The following NSG2 variants were observed in gnomAD, a reference collection of about 807,000 sequenced individuals.
NSG2 encodes the protein neuronal vesicle trafficking associated 2.
Under a neutral mutation model 16.9 loss-of-function variants are expected in NSG2, and 4 were observed. That is an observed-to-expected ratio of 0.24 (90% CI 0.12 to 0.54). The LOEUF (loss-of-function observed/expected upper bound fraction) is 0.54, where lower values mean the gene tolerates loss of function less well. Ranked by LOEUF, NSG2 falls within the 20% of genes least tolerant of loss-of-function variation. The pLI, the probability that NSG2 is intolerant of heterozygous loss-of-function variation, is 0.95. For missense variants in NSG2, 179 were observed against 221.1 expected, an observed-to-expected ratio of 0.81 and a Z score of 1.21; for synonymous variants, 98 against 88.7, an observed-to-expected ratio of 1.11 and a Z score of -0.59.
At position 174,051,150 on chromosome 5, in the gene NSG2, G is replaced by A. The variant is rs892602494; in HGVS notation, c.129+4266G>A. On this transcript the variant is annotated intron_variant, in intron 2 of 4. Coordinates refer to ENST00000303177, the MANE Select transcript of NSG2 (RefSeq NM_015980.5). ...TTAGCAATGTCTGGAGACATTTTTC[G>A]ATGTCACAACTAGAGGGAGGATTCT... is the stretch of plus-strand genomic sequence containing the variant. Among the ~76,000 whole-genome samples the A allele has an allele frequency of 1.5e-4, 23 of 152,228 alleles. 1 individual carries two copies. Among genetic ancestry groups the A allele is most frequent in the South Asian group, 1.5e-3 (7 of 4,818 alleles).
chr5:174,107,437 A>G lies in NSG2; in HGVS notation c.448A>G (p.Ile150Val). The G allele has an allele frequency of 1.2e-6, 2 of 1,612,850 alleles. No homozygotes were observed. Among genetic ancestry groups the G allele is most frequent in the Non-Finnish European group, 1.7e-6 (2 of 1,179,062 alleles). Residue 150 changes from isoleucine (I) to valine (V), a missense_variant, in exon 5 of 5, where the codon ATC becomes GTC. Transcript: ENST00000303177. This position sits in a 1 kb window ranked among gnomAD's most constrained non-coding sequence, Gnocchi z 4.5. Reference protein sequence around the residue: ...SVAKQSTARAIGPWLSAAAVI... With the variant: ...SVAKQSTARAVGPWLSAAAVI... ...GGCCAAGCAGAGCACTGCCCGGGCC[A>G]TCGGGCCGTGGCTGTCAGCAGCCGC...
At chr5:174,069,038 A>G (rs1344865495) in intron 3 of NSG2, among the ~76,000 whole-genome samples, 1 of 145,182 alleles carries the variant, frequency 6.9e-6, no homozygotes, top group Admixed American at 6.8e-5. Context: ...TCCTGGTGCT[A>G]TGGAGGGTGC....
rs1761001212 is a variant in NSG2 at position 174,107,469 on chromosome 5, C to T, written c.480C>T (p.Ile160=). ...CGTGGCTGTCAGCAGCCGCTGTCATCCATGAGCCCAAGCCGCCCAAGACCC... is the reference window on the plus strand; with the variant it reads ...CGTGGCTGTCAGCAGCCGCTGTCATTCATGAGCCCAAGCCGCCCAAGACCC... ...IGPWLSAAAV[I]HEPKPPKTQG... Residue 160 remains isoleucine (I), a synonymous_variant, in exon 5 of 5, where the codon ATC becomes ATT. Transcript: ENST00000303177. The surrounding 1 kb of genome is among the most constrained non-coding windows in gnomAD (Gnocchi z 4.5). 6.2e-6 allele frequency: 10 copies of T among 1,612,048 alleles called. No individual in the cohort carries two copies. The highest frequency in any genetic ancestry group is 1.7e-5 in the Admixed American group (1 of 59,924).
rs1175041206 is a variant in NSG2 at position 174,108,123 on chromosome 5, AT to A, written c.*622del. 1 of 211,784 alleles carries A rather than the reference AT, an allele frequency of 4.7e-6. No individual in the cohort carries two copies. Among genetic ancestry groups the A allele is most frequent in the Non-Finnish European group, 9.5e-6 (1 of 104,902 alleles). The allele number at this position is 211,784 out of a possible 1,614,324, so 13.1% of individuals were successfully genotyped here. A position where few individuals can be genotyped will look rare whatever the true frequency, so the allele number is the denominator to read the frequency against. On this transcript the variant is annotated 3_prime_UTR_variant, in exon 5 of 5. Transcript: ENST00000303177. ...AGTGAAATGTGCTGGCCTCTGGTGC[AT>A]TTTGCAAGATGAGCACAAACTTTCT...
intron 3 of NSG2, among the ~76,000 whole-genome samples, chr5:174,083,506 T>G (rs1339280052): frequency 6.6e-6 from 1 of 152,210 alleles, no homozygotes; most frequent in Non-Finnish European, 1.5e-5. Flanking sequence ...TGGACTGTGC[T>G]GGAGGCCCCT....
At chr5:174,054,375 A>G (rs1304763960) in intron 2 of NSG2, among the ~76,000 whole-genome samples, 2 of 152,146 alleles carry the variant, frequency 1.3e-5, no homozygotes, top group East Asian at 3.8e-4. Flanking sequence ...AATGCGTCGA[A>G]TTTTATTCAT....
chr5:174,079,019 A>G (rs73806551), intron 3 of NSG2, among the ~76,000 whole-genome samples: 4,509 of 152,258 alleles, frequency 0.03, 71 homozygotes, highest in Non-Finnish European at 0.036. Flanking sequence ...AGAGTCTTCA[A>G]TCTTAAAAAC....
intron 2 of NSG2, among the ~76,000 whole-genome samples, chr5:174,060,687 A>G (rs1036509259): frequency 4.6e-5 from 7 of 152,168 alleles, no homozygotes; most frequent in African/African-American, 1.2e-4. Context: ...GCCAGGCTGC[A>G]TTCCCACTGA....
intron 3 of NSG2, among the ~76,000 whole-genome samples, chr5:174,080,861 C>T (rs934399443): frequency 5.3e-5 from 8 of 152,058 alleles, no homozygotes; most frequent in African/African-American, 7.2e-5. Context: ...CCACGCCTGG[C>T]GTAAAATATT....
chr5:174,049,836 T>C (rs1271971263), intron 2 of NSG2, among the ~76,000 whole-genome samples: 1 of 152,244 alleles, frequency 6.6e-6, no homozygotes, highest in Non-Finnish European at 1.5e-5. Flanking sequence ...CAAGAGTAAT[T>C]ACATTGTTTC....
At position 174,086,444 on chromosome 5, in the gene NSG2, C is replaced by T. The variant is rs1034960380; in HGVS notation, c.214-17784C>T. ...GCCATGTTAGAATCTCATTCCCGTC[C>T]TTGACAACGATTGTCTGGAGCTGTG... On this transcript the variant is annotated intron_variant, in intron 3 of 4. Transcript: ENST00000303177. 3 of 152,184 alleles carry T rather than the reference C, an allele frequency of 2.0e-5. 1 individual carries two copies. Among genetic ancestry groups the T allele is most frequent in the African/African-American group, 7.2e-5 (3 of 41,430 alleles). 9.4% of individuals were successfully genotyped at this position (152,184 alleles called of 1,614,324 possible).
intron 3 of NSG2, among the ~76,000 whole-genome samples, chr5:174,079,255 C>CTT (rs370047967): frequency 6.7e-6 from 1 of 148,432 alleles, no homozygotes; most frequent in African/African-American, 2.6e-5. Flanking sequence ...CTTTCTCTCT[C>CTT]TCTCTCTCTT....
rs139311350 is a variant in NSG2 at position 174,094,530 on chromosome 5, C to T, written c.214-9698C>T. 3.1e-3 allele frequency among the ~76,000 whole-genome samples: 466 copies of T among 152,258 alleles called. 3 individuals are homozygous for T. Among genetic ancestry groups the T allele is most frequent in the African/African-American group, 0.011 (444 of 41,556 alleles). The stretch of plus-strand genomic sequence containing the variant: ...TCACACAGCTCATCAGAAGCAGAAG[C>T]GAGATTGACTCCTGTCACGATGTGG... On this transcript the variant is annotated intron_variant, in intron 3 of 4. Coordinates refer to ENST00000303177, the MANE Select transcript of NSG2 (RefSeq NM_015980.5).
chr5:174,077,280 C>T (rs770739848), intron 3 of NSG2, among the ~76,000 whole-genome samples: 2 of 152,146 alleles, frequency 1.3e-5, no homozygotes, highest in African/African-American at 4.8e-5. Flanking sequence ...CTCCTCTCTT[C>T]GGTTTTGACA....
chr5:174,062,165 G>A (rs1760064011), intron 2 of NSG2, among the ~76,000 whole-genome samples: 1 of 152,074 alleles, frequency 6.6e-6, no homozygotes, highest in South Asian at 2.1e-4. Flanking sequence ...CAACGAGGTG[G>A]TCATGGTGAT....
intron 2 of NSG2, among the ~76,000 whole-genome samples, chr5:174,049,035 C>T (rs1335563385): frequency 1.3e-5 from 2 of 151,846 alleles, no homozygotes; most frequent in African/African-American, 4.8e-5. Flanking sequence ...ACGTAAAGTG[C>T]CTGGTAAAAA....
intron 2 of NSG2, among the ~76,000 whole-genome samples, chr5:174,059,847 A>G (rs1760022448): frequency 6.6e-6 from 1 of 152,242 alleles, no homozygotes; most frequent in Admixed American, 6.5e-5. Flanking sequence ...AGAATCACTC[A>G]TGAAGACCTA....
chr5:174,078,081 C>G (rs1760378619), intron 3 of NSG2, among the ~76,000 whole-genome samples: 1 of 152,216 alleles, frequency 6.6e-6, no homozygotes, highest in South Asian at 2.1e-4. Context: ...AGTTTAATTT[C>G]TATCACACTA....
intron 4 of NSG2, among the ~76,000 whole-genome samples, chr5:174,106,965 C>T (rs1760992958): frequency 6.6e-6 from 1 of 152,186 alleles, no homozygotes; most frequent in Admixed American, 6.5e-5. Context: ...CTGTGAACAA[C>T]AGCCCAGAGA....
Sources: gnomAD v4.1 joint callset for allele counts (sites outside exome capture counted in the v4.1 genomes callset) on GRCh38, gnomAD v4.1.1 for gene constraint, Gnocchi (gnomAD v3.1) non-coding constraint, MANE v1.5 for transcripts, NCBI Gene and HGNC (gene_info 2026-07-23, HGNC 2026-07-21) for gene names.